Variants in RAD51B observed in about 807,000 individuals in gnomAD.
RAD51B encodes the protein RAD51 paralog B, also known as DNA repair protein RAD51 homolog 2.
RAD51B carries 38 observed loss-of-function variants against 42.2 expected under a neutral mutation model. The ratio of observed to expected loss-of-function variants is 0.90; its 90% confidence interval spans 0.70 to 1.18. The LOEUF is 1.18. Among genes scored for constraint, RAD51B ranks in the 50% most tolerant of loss-of-function variants. The pLI is 0.00. For missense variants in RAD51B, 373 were observed against 400.7 expected (o/e 0.93, Z 0.59); for synonymous variants, 154 against 145.2 (o/e 1.06, Z -0.43).
At chr14:68,072,573 T>G (rs1462463852) in intron 7 of RAD51B, among the ~76,000 whole-genome samples, 2 of 152,134 alleles carry the variant, frequency 1.3e-5, no homozygotes, top group Non-Finnish European at 2.9e-5. Flanking sequence ...CTGACTCAGA[T>G]GTTAATCTCC....
chr14:68,136,628 G>A lies in RAD51B; in HGVS notation c.757-155256G>A, dbSNP rs1274746906. 2.0e-4 allele frequency among the ~76,000 whole-genome samples: 10 copies of A among 50,692 alleles called. 4 individuals are homozygous for A. Among genetic ancestry groups the A allele is most frequent in the Non-Finnish European group, 3.3e-4 (6 of 18,100 alleles). 33.3% of individuals were successfully genotyped at this position (50,692 alleles called of 152,430 possible). ...AAGTAGACCAGCCATACTTTTAAAA[G>A]CTTATTGTAACAAACACATACTGCT... is the stretch of plus-strand genomic sequence containing the variant. On this transcript the variant is annotated intron_variant, in intron 7 of 10. Transcript: ENST00000471583.
intron 9 of RAD51B, chr14:68,421,865 G>A (rs2084709021): frequency 6.3e-7 from 1 of 1,596,244 alleles, no homozygotes; most frequent in Non-Finnish European, 8.6e-7. Context: ...TGAAAAACTG[G>A]GAACCATTTG....
intron 10 of RAD51B, among the ~76,000 whole-genome samples, chr14:68,527,218 C>G (rs1886991271): frequency 6.6e-6 from 1 of 152,206 alleles, no homozygotes; most frequent in South Asian, 2.1e-4. Flanking sequence ...AGTTTCTTGA[C>G]TTTTTCTTAA....
chr14:68,397,311 G>A (rs1346734087), intron 8 of RAD51B, among the ~76,000 whole-genome samples: 2 of 152,150 alleles, frequency 1.3e-5, no homozygotes, highest in Non-Finnish European at 2.9e-5. Context: ...TTCATATTTT[G>A]CAGATGTGAA....
chr14:68,562,581 T>G, intron 10 of RAD51B: 1 of 985,392 alleles, frequency 1.0e-6, no homozygotes. Context: ...TACTGTGCAG[T>G]CTTAGGAGTA....
chr14:67,943,747 CT>C (rs1429690430), intron 7 of RAD51B, among the ~76,000 whole-genome samples: 4 of 152,102 alleles, frequency 2.6e-5, no homozygotes, highest in Non-Finnish European at 4.4e-5. Context: ...ATTATTATGA[CT>C]GTACTTCTCC....
At chr14:67,948,344 A>G (rs912317215) in intron 7 of RAD51B, among the ~76,000 whole-genome samples, 1 of 152,198 alleles carries the variant, frequency 6.6e-6, no homozygotes, top group African/African-American at 2.4e-5. Context: ...ACAAATATAC[A>G]GTGAACTCTG....
At chr14:68,072,062 T>TAA (rs1491502228) in intron 7 of RAD51B, among the ~76,000 whole-genome samples, 6,874 of 104,850 alleles carry the variant, frequency 0.066, 714 homozygotes, top group African/African-American at 0.18. Flanking sequence ...ATTATATATA[T>TAA]TTATATAAAT....
chr14:68,513,326 G>A (rs745397550), intron 10 of RAD51B, among the ~76,000 whole-genome samples: 1 of 152,244 alleles, frequency 6.6e-6, no homozygotes, highest in African/African-American at 2.4e-5. Flanking sequence ...ACAGGGTGAG[G>A]CTGGGCCTGG....
At chr14:68,642,841 T>A (rs1347337075) in intron 10 of RAD51B, among the ~76,000 whole-genome samples, 1 of 152,266 alleles carries the variant, frequency 6.6e-6, no homozygotes, top group Non-Finnish European at 1.5e-5. Context: ...AAATTTCGTC[T>A]AAGATTTCTT....
intron 7 of RAD51B, among the ~76,000 whole-genome samples, chr14:68,205,231 G>A (rs1266780438): frequency 2.6e-5 from 4 of 152,154 alleles, no homozygotes; most frequent in Non-Finnish European, 5.9e-5. Context: ...AATTTGAGAT[G>A]AGTGACAGAA....
At chr14:68,483,050 G>T (rs1883325135), downstream of RAD51B, among the ~76,000 whole-genome samples, 1 of 136,844 alleles carries the variant, frequency 7.3e-6, no homozygotes, top group South Asian at 2.1e-4. Flanking sequence ...AGAGAGAGAA[G>T]AAAGTAAGAA....
At chr14:67,977,680 C>T (rs1225137303) in intron 7 of RAD51B, among the ~76,000 whole-genome samples, 1 of 140,426 alleles carries the variant, frequency 7.1e-6, no homozygotes, top group East Asian at 1.9e-4. Context: ...TTTGTGTTAG[C>T]TTCTTCTTGT....
intron 9 of RAD51B, among the ~76,000 whole-genome samples, chr14:68,418,874 TA>T (rs1281743606): frequency 6.6e-6 from 1 of 152,216 alleles, no homozygotes; most frequent in Non-Finnish European, 1.5e-5. Flanking sequence ...AATACCTGCC[TA>T]AACTATGAAC....
At chr14:68,160,256 A>G (rs2078610076) in intron 7 of RAD51B, among the ~76,000 whole-genome samples, 1 of 152,174 alleles carries the variant, frequency 6.6e-6, no homozygotes, top group Admixed American at 6.5e-5. Context: ...ATCATCTGGT[A>G]TAGATCTTTC....
intron 8 of RAD51B, among the ~76,000 whole-genome samples, chr14:68,406,280 T>G (rs2084271665): frequency 6.6e-6 from 1 of 152,160 alleles, no homozygotes; most frequent in Admixed American, 6.5e-5. Context: ...GTGAACATCA[T>G]AGAATGTATT....
chr14:67,933,245 C>T (rs1157653530), intron 7 of RAD51B, among the ~76,000 whole-genome samples: 1 of 152,166 alleles, frequency 6.6e-6, no homozygotes, highest in Non-Finnish European at 1.5e-5. Flanking sequence ...GGCTAGAATA[C>T]TGGGGACCCT....
At chr14:67,863,330 A>C (rs1376844435) in intron 4 of RAD51B, among the ~76,000 whole-genome samples, 1 of 152,024 alleles carries the variant, frequency 6.6e-6, no homozygotes, top group Non-Finnish European at 1.5e-5. Context: ...CCAAATTCTG[A>C]AACAGTGGTT....
At chr14:68,414,747 G>A (rs970751922) in intron 9 of RAD51B, among the ~76,000 whole-genome samples, 1 of 151,098 alleles carries the variant, frequency 6.6e-6, no homozygotes, top group Non-Finnish European at 1.5e-5. Flanking sequence ...TCGGCAGGAC[G>A]CAGTGGCTCA....
Sources: allele counts gnomAD v4.1 joint callset (sites outside exome capture counted in the v4.1 genomes callset), GRCh38; gene constraint gnomAD v4.1.1; transcripts MANE v1.5; gene names NCBI Gene and HGNC (gene_info 2026-07-23, HGNC 2026-07-21).